The following CYTH2 variants were observed in gnomAD, a reference collection of about 807,000 sequenced individuals.
CYTH2 encodes cytohesin 2, also known as cytohesin-2.
In CYTH2, 24 loss-of-function variants were observed where a neutral mutation model predicts 55.4. The observed-to-expected ratio is 0.43, with a 90% CI of 0.31 to 0.61. The LOEUF (loss-of-function observed/expected upper bound fraction) is 0.61, where lower values mean the gene tolerates loss of function less well. Ranked by LOEUF, CYTH2 falls within the 20% of genes least tolerant of loss-of-function variation. The probability of loss-of-function intolerance (pLI) is 0.08; values close to 1 mark genes in which losing one functional copy is unlikely to be tolerated. For synonymous variants in CYTH2, 221 were observed against 209.6 expected (o/e 1.05, Z -0.47); for missense variants, 378 against 533.5 (o/e 0.71, Z 2.87).
At chr19:48,470,064 G>A in intron 1 of CYTH2, 1 of 642,410 alleles carries the variant, frequency 1.6e-6, no homozygotes, top group Non-Finnish European at 3.0e-6. Flanking sequence ...TAGAAGCCGA[G>A]GCCCCCAGCC....
chr19:48,472,561 C>T (rs1332403827), intron 4 of CYTH2, 118 bp downstream of exon 4: 2 of 847,332 alleles, frequency 2.4e-6, no homozygotes, highest in South Asian at 1.4e-5. Flanking sequence ...GCAGAGGGGC[C>T]CTGGCAGATC....
Position 48,474,370 on chromosome 19 carries a change from C to T in CYTH2, c.696+40C>T. On this transcript the variant is annotated intron_variant, in intron 7 of 11. Coordinates refer to ENST00000452733, the MANE Select transcript of CYTH2 (RefSeq NM_004228.7). The surrounding 1 kb of genome is among the most constrained non-coding windows in gnomAD (Gnocchi z 4.9). The stretch of plus-strand genomic sequence containing the variant: ...CCTGCCCCTCAGCCCTGCCCCTCTT[C>T]CTGCCACAGACACCCCCGCCCCACC... The T allele has an allele frequency of 3.9e-6, 6 of 1,539,456 alleles. No homozygotes were observed. Among genetic ancestry groups the T allele is most frequent in the Non-Finnish European group, 5.2e-6 (6 of 1,143,064 alleles).
rs1390243202 is a variant in CYTH2 at position 48,479,139 on chromosome 19, G to A, written c.1129G>A (p.Asp377Asn). 6.2e-7 allele frequency: 1 copy of A among 1,614,078 alleles called. No homozygotes were observed. Among genetic ancestry groups the A allele is most frequent in the Admixed American group, 1.7e-5 (1 of 60,016 alleles). The change falls in exon 12 of 12, where the codon GAC (aspartate) becomes AAC (asparagine). Residue 377 changes from aspartate to asparagine, a missense_variant. Coordinates refer to ENST00000452733, the MANE Select transcript of CYTH2 (RefSeq NM_004228.7). ...IKSIQAAVSVDPFYEMLAARK... is the reference protein window; with the variant it reads ...IKSIQAAVSVNPFYEMLAARK... ...CTTCTGCAGGGCGGCTGTGAGTGTG[G>A]ACCCCTTCTATGAGATGCTGGCAGC...
chr19:48,469,988 C>G, intron 1 of CYTH2: 1 of 559,792 alleles, frequency 1.8e-6, no homozygotes, highest in East Asian at 4.6e-5. Flanking sequence ...TAACCAGGTC[C>G]CCAGCTACCT....
chr19:48,473,773 G>C (rs1465533753), intron 5 of CYTH2, 132 bp from the exon 6 acceptor site: 1 of 699,244 alleles, frequency 1.4e-6, no homozygotes, highest in Admixed American at 3.0e-5. Flanking sequence ...TGGATCATGT[G>C]ACCATACCTG....
chr19:48,474,995 T>G lies in CYTH2; in HGVS notation c.808+46T>G. The G allele has an allele frequency of 3.2e-6, 5 of 1,570,390 alleles. No homozygotes were observed. The highest frequency in any genetic ancestry group is 4.4e-6 in the Non-Finnish European group (5 of 1,145,434). On this transcript the variant is annotated intron_variant, in intron 8 of 11. Coordinates refer to ENST00000452733, the MANE Select transcript of CYTH2 (RefSeq NM_004228.7). This position sits in a 1 kb window ranked among gnomAD's most constrained non-coding sequence, Gnocchi z 4.9. ...GCTGGTCCCTCCGCAGGAGGACATT[T>G]GTGGGCCTGGGCCCTGGACTCAGCT...
chr19:48,478,366 C>T lies in CYTH2; in HGVS notation c.957+20C>T, dbSNP rs1254615747. ...AAACCGGTAAGACCCTCTCTGTACACCTTCCTGCCAGGGCGGGGCCTCCTC... is the reference window on the plus strand; with the variant it reads ...AAACCGGTAAGACCCTCTCTGTACATCTTCCTGCCAGGGCGGGGCCTCCTC... On this transcript the variant is annotated intron_variant, in intron 10 of 11. Transcript: ENST00000452733. 1 of 1,613,902 alleles carries T rather than the reference C, an allele frequency of 6.2e-7. No individual in the cohort carries two copies. Among genetic ancestry groups the T allele is most frequent in the East Asian group, 2.2e-5 (1 of 44,866 alleles).
chr19:48,470,471 G>A lies in CYTH2; in HGVS notation c.138G>A (p.Glu46=), dbSNP rs766525402. 6.2e-7 allele frequency: 1 copy of A among 1,614,146 alleles called. No individual in the cohort carries two copies. The highest frequency in any genetic ancestry group is 8.5e-7 in the Non-Finnish European group (1 of 1,179,988). The change falls in exon 2 of 12, where the codon GAG becomes GAA. Residue 46 remains glutamate, a synonymous_variant. Coordinates refer to ENST00000452733, the MANE Select transcript of CYTH2 (RefSeq NM_004228.7). ...AGGAGCTCAGTGAAGCCATGAGCGA[G>A]GTGGAGGGGCTGGAGGCCAATGAGG... The part of the protein sequence containing the change: ...LREELSEAMS[E]VEGLEANEGS...
Position 48,481,505 on chromosome 19 carries a change from TTTTTG to T in CYTH2, c.*2315_*2319del, listed in dbSNP as rs1164298686. 60 of 185,716 alleles carry T rather than the reference TTTTTG, an allele frequency of 3.2e-4. No homozygotes were observed. The highest frequency in any genetic ancestry group is 9.5e-4 in the East Asian group (6 of 6,348). The allele number at this position is 185,716 out of a possible 1,614,324, so 11.5% of individuals were successfully genotyped here. On this transcript the variant is annotated 3_prime_UTR_variant, in exon 12 of 12. Coordinates refer to ENST00000452733, the MANE Select transcript of CYTH2 (RefSeq NM_004228.7). ...TTTTTTTGTAGGTTTTTTTTTTTGT[TTTTTG>T]TTTTGTTTTGTTTTGTTTTTGAGAG...
chr19:48,469,577 C>T, intron 1 of CYTH2, 51 bp downstream of exon 1: 1 of 1,329,830 alleles, frequency 7.5e-7, no homozygotes, highest in Admixed American at 3.8e-5. Context: ...GCGTTTTCTC[C>T]TGAACGTTCC....
chr19:48,474,104 G>A lies in CYTH2; in HGVS notation c.548-78G>A. The A allele has an allele frequency of 1.3e-6, 2 of 1,546,670 alleles. No homozygotes were observed. Among genetic ancestry groups the A allele is most frequent in the Non-Finnish European group, 1.7e-6 (2 of 1,146,776 alleles). Reference sequence around the variant, plus strand: ...GAGGGAGGGAGGGGGCTGGGAGCTGGGAATCCTGGGTCCTGGGGAATGGGG... The same window carrying A: ...GAGGGAGGGAGGGGGCTGGGAGCTGAGAATCCTGGGTCCTGGGGAATGGGG... On this transcript the variant is annotated intron_variant, in intron 6 of 11. Coordinates refer to ENST00000452733, the MANE Select transcript of CYTH2 (RefSeq NM_004228.7). This position sits in a 1 kb window ranked among gnomAD's most constrained non-coding sequence, Gnocchi z 4.9.
chr19:48,474,415 A>G lies in CYTH2; in HGVS notation c.696+85A>G, dbSNP rs1421030075. 8 of 1,424,314 alleles carry G rather than the reference A, an allele frequency of 5.6e-6. No homozygotes were observed. Among genetic ancestry groups the G allele is most frequent in the Non-Finnish European group, 6.6e-6 (7 of 1,067,196 alleles). 88.2% of individuals were successfully genotyped at this position (1,424,314 alleles called of 1,614,324 possible). On this transcript the variant is annotated intron_variant, in intron 7 of 11. Coordinates refer to ENST00000452733, the MANE Select transcript of CYTH2 (RefSeq NM_004228.7). The surrounding 1 kb of genome is among the most constrained non-coding windows in gnomAD (Gnocchi z 4.9). ...CCCACCTGTGGTCTCCTAGTGCCCA[A>G]GCTGTCTGCCCTCACCCCCAAGATG...
At chr19:48,470,935 G>A (rs1971780425) in intron 3 of CYTH2, among the ~76,000 whole-genome samples, 1 of 152,156 alleles carries the variant, frequency 6.6e-6, no homozygotes, top group African/African-American at 2.4e-5. Context: ...CTGGTCCCAA[G>A]ATGAGCTCGA....
chr19:48,471,382 C>T (rs892223414), intron 3 of CYTH2, among the ~76,000 whole-genome samples: 6 of 152,280 alleles, frequency 3.9e-5, no homozygotes, highest in Admixed American at 1.3e-4. Context: ...AAACTCCTGA[C>T]GTCAGGTGAT....
chr19:48,475,119 C>G, intron 8 of CYTH2, 170 bp downstream of exon 8: 1 of 619,226 alleles, frequency 1.6e-6, no homozygotes, highest in South Asian at 2.0e-5. Context: ...AAAATCAGGC[C>G]TGTGTGCTGG....
chr19:48,472,631 A>C, intron 4 of CYTH2, 188 bp downstream of exon 4: 1 of 644,864 alleles, frequency 1.6e-6, no homozygotes, highest in Non-Finnish European at 2.8e-6. Context: ...CCTGCGGCCA[A>C]CCGAGAGCAT....
chr19:48,474,847 G>A lies in CYTH2; in HGVS notation c.706G>A (p.Asp236Asn), dbSNP rs753968766. ...AGCCTTTACTCCTCAGAACCTGTAC[G>A]ACAGCATCCGAAATGAGCCCTTCAA... ...LPEELLRNLYDSIRNEPFKIP... is the reference protein window; with the variant it reads ...LPEELLRNLYNSIRNEPFKIP... Residue 236 changes from aspartate (D) to asparagine (N), a missense_variant, in exon 8 of 12, where the codon GAC becomes AAC. Asp to Asn is a conservative substitution (Grantham distance 23). Transcript: ENST00000452733. This position sits in a 1 kb window ranked among gnomAD's most constrained non-coding sequence, Gnocchi z 4.9. 5.0e-6 allele frequency: 8 copies of A among 1,614,154 alleles called. No homozygotes were observed. In the Admixed American group the frequency reaches 6.7e-5, roughly 13 times the overall value.
rs940150876 is a variant in CYTH2 at position 48,480,358 on chromosome 19, A to T, written c.*1148A>T. On this transcript the variant is annotated 3_prime_UTR_variant, in exon 12 of 12. Coordinates refer to ENST00000452733, the MANE Select transcript of CYTH2 (RefSeq NM_004228.7). ...GGCCCCGAGGCGTGCCGCGAGTTGT[A>T]GTCCCTCCTGCCCGCTGTGTTCGCT... The T allele has an allele frequency of 3.3e-5, 5 of 152,222 alleles. No individual in the cohort carries two copies. Among genetic ancestry groups the T allele is most frequent in the Admixed American group, 2.0e-4 (3 of 15,286 alleles). The allele number at this position is 152,222 out of a possible 1,614,324, so 9.4% of individuals were successfully genotyped here.
chr19:48,479,919 TAA>T lies in CYTH2; in HGVS notation c.*710_*711del, dbSNP rs772158394. 6.7e-6 allele frequency: 1 copy of T among 148,466 alleles called. No individual in the cohort carries two copies. 9.2% of individuals were successfully genotyped at this position (148,466 alleles called of 1,614,324 possible). A position where few individuals can be genotyped will look rare whatever the true frequency, so the allele number is the denominator to read the frequency against. ...AGGGCTGGGCAGCCTTAGATCGGGC[TAA>T]GAGGGCAGGACTGTGGGCCAGTGCC... On this transcript the variant is annotated 3_prime_UTR_variant, in exon 12 of 12. Coordinates refer to ENST00000452733, the MANE Select transcript of CYTH2 (RefSeq NM_004228.7).
Sources: gnomAD v4.1 joint callset for allele counts (sites outside exome capture counted in the v4.1 genomes callset) on GRCh38, gnomAD v4.1.1 for gene constraint, Gnocchi (gnomAD v3.1) non-coding constraint, MANE v1.5 for transcripts, NCBI Gene and HGNC (gene_info 2026-07-23, HGNC 2026-07-21) for gene names.